The following AMY2A variants were observed in gnomAD, a reference collection of about 807,000 sequenced individuals.
AMY2A encodes the protein amylase alpha 2A.
A neutral mutation model predicts 43.0 loss-of-function variants in AMY2A; 16 were observed. The observed-to-expected ratio is 0.37, with a 90% CI of 0.25 to 0.56. The LOEUF is 0.56. Ranked by LOEUF, AMY2A falls within the 20% of genes least tolerant of loss-of-function variation. The pLI is 0.77. For missense variants in AMY2A, 212 were observed against 456.8 expected (o/e 0.46, Z 4.89); for synonymous variants, 70 against 144.6 (o/e 0.48, Z 3.70).
chr1:103,617,901 A>G lies in AMY2A; in HGVS notation c.169-53A>G, dbSNP rs1050867469. On this transcript the variant is annotated intron_variant, in intron 1 of 9. Coordinates refer to ENST00000414303, the MANE Select transcript of AMY2A (RefSeq NM_000699.4). Reference sequence around the variant, plus strand: ...TATTGATTAGTTTCTAGAACATTCAATGATACACAGTAAGACAGAATTTGG... The same window carrying G: ...TATTGATTAGTTTCTAGAACATTCAGTGATACACAGTAAGACAGAATTTGG... The G allele has an allele frequency of 7.3e-5, 116 of 1,598,668 alleles. 4 individuals carry two copies. The highest frequency in any genetic ancestry group is 3.4e-4 in the South Asian group (31 of 90,588).
intron 2 of AMY2A, 110 bp downstream of exon 2, chr1:103,618,210 T>G: frequency 6.9e-7 from 1 of 1,456,748 alleles, no homozygotes; most frequent in Non-Finnish European, 9.2e-7. Flanking sequence ...TTTTTTAATT[T>G]TACTTCATAA....
chr1:103,618,169 C>T (rs1362078233), intron 2 of AMY2A, 69 bp downstream of exon 2: 2 of 1,522,398 alleles, frequency 1.3e-6, no homozygotes, highest in African/African-American at 1.4e-5. Flanking sequence ...CTTTCTTGCT[C>T]CTTTTCAGCA....
In AMY2A at chr1:103,619,118, T is replaced by A. The variant is rs1288901483; in HGVS notation, c.513+10T>A. 1.1e-5 allele frequency: 10 copies of A among 932,168 alleles called. No homozygotes were observed. The highest frequency in any genetic ancestry group is 3.2e-5 in the Admixed American group (1 of 31,508). 57.7% of individuals were successfully genotyped at this position (932,168 alleles called of 1,614,324 possible). On this transcript the variant is annotated intron_variant, in intron 3 of 9. Transcript: ENST00000414303. Reference sequence around the variant, plus strand: ...CAATGATGCTACTCAGGTAATTTTTTTACGAGAGTGATCTGAATAAAAGAG... The same window carrying A: ...CAATGATGCTACTCAGGTAATTTTTATACGAGAGTGATCTGAATAAAAGAG...
chr1:103,618,168 T>C, intron 2 of AMY2A, 68 bp downstream of exon 2: 3 of 1,535,844 alleles, frequency 2.0e-6, no homozygotes, highest in Non-Finnish European at 1.8e-6. Flanking sequence ...TCTTTCTTGC[T>C]CCTTTTCAGC....
chr1:103,620,640 C>G lies in AMY2A; in HGVS notation c.834C>G (p.Gly278=), dbSNP rs201666814. ...AATTCAAGTATGGTGCAAAACTCGG[C>G]ACAGTTATTCGCAAGTGGAATGGAG... ...VTEFKYGAKL[G]TVIRKWNGEK... The change falls in exon 5 of 10, where the codon GGC becomes GGG. Residue 278 remains glycine (G), a synonymous_variant. Coordinates refer to ENST00000414303, the MANE Select transcript of AMY2A (RefSeq NM_000699.4). The G allele has an allele frequency of 0.03, 45,800 of 1,503,920 alleles. 715 individuals are homozygous for G. The highest frequency in any genetic ancestry group is 0.035 in the Non-Finnish European group (37,984 of 1,097,228). 93.2% of individuals were successfully genotyped at this position (1,503,920 alleles called of 1,614,324 possible). A position where few individuals can be genotyped will look rare whatever the true frequency, so the allele number is the denominator to read the frequency against.
intron 4 of AMY2A, 181 bp downstream of exon 4, chr1:103,619,965 G>A (rs2101100487): frequency 7.4e-7 from 1 of 1,356,456 alleles, no homozygotes; most frequent in Middle Eastern, 2.2e-4. Flanking sequence ...CATGTTTTAT[G>A]GAGGTACACA....
upstream of AMY2A, chr1:103,616,866 G>A: frequency 2.1e-6 from 1 of 472,522 alleles, no homozygotes; most frequent in Non-Finnish European, 2.9e-6. Flanking sequence ...GTATTAATGT[G>A]TCAGGGCTGA....
upstream of AMY2A, chr1:103,617,248 C>A (rs1416777527): frequency 6.4e-6 from 8 of 1,256,496 alleles, no homozygotes; most frequent in African/African-American, 1.5e-5. Flanking sequence ...TCTAAAAGGT[C>A]ATTTAGATGA....
At chr1:103,618,760 T>A in intron 2 of AMY2A, 151 bp from the exon 3 acceptor site, 1 of 1,458,662 alleles carries the variant, frequency 6.9e-7, no homozygotes. Context: ...TACTTTCCTT[T>A]CACAGTTGAT....
At chr1:103,617,126 A>T (rs1653097719), upstream of AMY2A, 1 of 958,882 alleles carries the variant, frequency 1.0e-6, no homozygotes, top group South Asian at 2.1e-5. Flanking sequence ...CTTTAAAGAG[A>T]TGACAACAAA....
chr1:103,625,050 C>T (rs1308729982), intron 9 of AMY2A, among the ~76,000 whole-genome samples: 3 of 125,120 alleles, frequency 2.4e-5, no homozygotes, highest in Non-Finnish European at 3.4e-5. Context: ...TAATTTCTTT[C>T]TTTTGTAGAT....
In AMY2A at chr1:103,619,094, A is replaced by G; in HGVS notation, c.499A>G (p.Asn167Asp). 8.8e-7 allele frequency: 1 copy of G among 1,141,680 alleles called. No individual in the cohort carries two copies. Among genetic ancestry groups the G allele is most frequent in the South Asian group, 1.6e-5 (1 of 62,414 alleles). The allele number at this position is 1,141,680 out of a possible 1,614,324, so 70.7% of individuals were successfully genotyped here. The change falls in exon 3 of 10, where the codon AAT becomes GAT. Residue 167 changes from asparagine (N) to aspartate (D), a missense_variant. Around this residue, in one of 2 missense-constraint regions of AMY2A, gnomAD observed 199 missense variants for 210.6 expected, o/e 0.94. Transcript: ENST00000414303. ...TGGAAGTGGAGATATCGAGAACTAC[A>G]ATGATGCTACTCAGGTAATTTTTTT... is the stretch of plus-strand genomic sequence containing the variant. ...KTGSGDIENY[N>D]DATQVRDCRL...
Position 103,617,530 on chromosome 1 carries a change from T to A in AMY2A, c.90T>A (p.His30Gln), listed in dbSNP as rs773792622. 1.2e-6 allele frequency: 2 copies of A among 1,600,900 alleles called. No individual in the cohort carries two copies. The highest frequency in any genetic ancestry group is 8.5e-7 in the Non-Finnish European group (1 of 1,170,874). Reference protein sequence around the residue: ...NTQQGRTSIVHLFEWRWVDIA... With the variant: ...NTQQGRTSIVQLFEWRWVDIA... ...AACAAGGACGGACATCTATTGTTCA[T>A]CTGTTTGAATGGCGATGGGTTGATA... The change falls in exon 1 of 10, where the codon CAT becomes CAA. Residue 30 changes from histidine to glutamine, a missense_variant. Physicochemically the swap from His to Gln is conservative, Grantham distance 24. This residue lies in a region of AMY2A where 199 missense variants were observed against 210.6 expected (regional missense o/e 0.94). Transcript: ENST00000414303.
chr1:103,617,999 C>A lies in AMY2A; in HGVS notation c.214C>A (p.Pro72Thr). Residue 72 changes from proline (P) to threonine (T), a missense_variant, in exon 2 of 10, where the codon CCT becomes ACT. Physicochemically the swap from Pro to Thr is conservative, Grantham distance 38. Coordinates refer to ENST00000414303, the MANE Select transcript of AMY2A (RefSeq NM_000699.4). ...TGTTGCAATTTACAACCCTTTCAGA[C>A]CTTGGTGGGAAAGATACCAACCAGT... ...ENVAIYNPFR[P>T]WWERYQPVSY... 6.2e-7 allele frequency: 1 copy of A among 1,600,514 alleles called. No homozygotes were observed. The highest frequency in any genetic ancestry group is 8.5e-7 in the Non-Finnish European group (1 of 1,170,688).
chr1:103,619,001 C>A lies in AMY2A; in HGVS notation c.406C>A (p.Pro136Thr). ...CAGTACCTGTGGAAGTTACTTCAAC[C>A]CTGGAAGTAGGGACTTTCCAGCAGT... is the stretch of plus-strand genomic sequence containing the variant. ...TSSTCGSYFN[P>T]GSRDFPAVPY... Residue 136 changes from proline to threonine, a missense_variant, in exon 3 of 10, where the codon CCT becomes ACT. This residue lies in a region of AMY2A where 199 missense variants were observed against 210.6 expected (regional missense o/e 0.94). Transcript: ENST00000414303. The A allele has an allele frequency of 7.4e-7, 1 of 1,360,312 alleles. No individual in the cohort carries two copies. The highest frequency in any genetic ancestry group is 9.9e-7 in the Non-Finnish European group (1 of 1,005,430). The allele number at this position is 1,360,312 out of a possible 1,614,324, so 84.3% of individuals were successfully genotyped here.
At chr1:103,617,861 A>G in intron 1 of AMY2A, 93 bp from the exon 2 acceptor site, 1 of 1,574,954 alleles carries the variant, frequency 6.3e-7, no homozygotes, top group Non-Finnish European at 8.6e-7. Context: ...ACCAAGATTC[A>G]AGAATCTTTT....
Position 103,619,068 on chromosome 1 carries a change from C to CTGGAAG in AMY2A, c.478_483dup (p.Ser160_Gly161dup). 1 of 1,266,004 alleles carries CTGGAAG rather than the reference C, an allele frequency of 7.9e-7. No homozygotes were observed. The highest frequency in any genetic ancestry group is 1.1e-6 in the Non-Finnish European group (1 of 936,406). The allele number at this position is 1,266,004 out of a possible 1,614,324, so 78.4% of individuals were successfully genotyped here. ...GATTTCAATGATGGTAAATGTAAAACTGGAAGTGGAGATATCGAGAACTAC... is the reference window on the plus strand; with the variant it reads ...GATTTCAATGATGGTAAATGTAAAACTGGAAGTGGAAGTGGAGATATCGAGAACTAC... On this transcript the variant is annotated inframe_insertion, in exon 3 of 10. Coordinates refer to ENST00000414303, the MANE Select transcript of AMY2A (RefSeq NM_000699.4).
intron 1 of AMY2A, 78 bp downstream of exon 1, chr1:103,617,686 T>G (rs1458904580): frequency 1.3e-5 from 20 of 1,596,448 alleles, no homozygotes; most frequent in Non-Finnish European, 1.7e-5. Context: ...TCTGTGAAGC[T>G]TGGGCAACAT....
intron 2 of AMY2A, 128 bp from the exon 3 acceptor site, chr1:103,618,783 A>G (rs554150874): frequency 1.3e-6 from 2 of 1,482,774 alleles, no homozygotes; most frequent in African/African-American, 2.8e-5. Flanking sequence ...TTGATCTTGT[A>G]GGAAAATAAT....
Sources: allele counts gnomAD v4.1 joint callset (sites outside exome capture counted in the v4.1 genomes callset), GRCh38; gene constraint gnomAD v4.1.1; regional missense constraint gnomAD v4.1.1; transcripts MANE v1.5; gene names NCBI Gene and HGNC (gene_info 2026-07-23, HGNC 2026-07-21).